The following CACNA1E variants were observed in gnomAD, a reference collection of about 807,000 sequenced individuals.
The protein encoded by CACNA1E is voltage-dependent R-type calcium channel subunit alpha-1E.
In CACNA1E, 40 loss-of-function variants were observed where a neutral mutation model predicts 259.2. That is an observed-to-expected ratio of 0.15 (90% confidence interval 0.12 to 0.20). CACNA1E has a LOEUF of 0.20. Ranked by LOEUF, CACNA1E falls within the 10% of genes least tolerant of loss-of-function variation. The pLI is 1.00. For missense variants in CACNA1E, 1,874 were observed against 3,040.1 expected (o/e 0.62, Z 9.02); for synonymous variants, 1,104 against 1,138.5 (o/e 0.97, Z 0.61).
chr1:181,596,195 C>A (rs1653138501), intron 6 of CACNA1E, among the ~76,000 whole-genome samples: 1 of 152,164 alleles, frequency 6.6e-6, no homozygotes, highest in Non-Finnish European at 1.5e-5. Context: ...TGTGCTGTGG[C>A]TCACAGACAG....
In CACNA1E at chr1:181,732,936, A is replaced by T. The variant is rs1366118717; in HGVS notation, c.2850A>T (p.Glu950Asp). 1 of 1,614,024 alleles carries T rather than the reference A, an allele frequency of 6.2e-7. No individual in the cohort carries two copies. The highest frequency in any genetic ancestry group is 8.5e-7 in the Non-Finnish European group (1 of 1,179,884). Residue 950 changes from glutamate (E) to aspartate (D), a missense_variant, in exon 20 of 48, where the codon GAA (glutamate) becomes GAT (aspartate). Around this residue, in one of 14 missense-constraint regions of CACNA1E, gnomAD observed 476 missense variants for 514.0 expected, o/e 0.93. Transcript: ENST00000367573. This position sits in a 1 kb window ranked among gnomAD's most constrained non-coding sequence, Gnocchi z 5.5. ...RSASQERSLD[E>D]AMPTEGEKDH... ...CCAGCCAGGAACGCAGTCTGGATGA[A>T]GCCATGCCCACTGAAGGGGAGAAGG...
At chr1:181,741,603 G>A (rs1558332888) in intron 25 of CACNA1E, among the ~76,000 whole-genome samples, 1 of 152,226 alleles carries the variant, frequency 6.6e-6, no homozygotes, top group South Asian at 2.1e-4. Context: ...AGGCTGGTGT[G>A]TTGGTGCCAG....
intron 6 of CACNA1E, among the ~76,000 whole-genome samples, chr1:181,585,999 A>G (rs1225180886): frequency 2.0e-5 from 3 of 152,230 alleles, no homozygotes; most frequent in Non-Finnish European, 4.4e-5. Context: ...CCTTTGGTAG[A>G]GCAAAAGTAG....
rs186936140 is a variant in CACNA1E at position 181,505,654 on chromosome 1, G to A, written c.267-4823G>A. ...TTCTGAAAGTGCTGGGATTACAGGC[G>A]TGAGCCACCGCACCTGGCCTTCTCT... On this transcript the variant is annotated intron_variant, in intron 1 of 47. Transcript: ENST00000367573. 1.4e-3 allele frequency among the ~76,000 whole-genome samples: 211 copies of A among 152,062 alleles called. 1 individual carries two copies. Among genetic ancestry groups the A allele is most frequent in the African/African-American group, 4.8e-3 (200 of 41,492 alleles).
intron 7 of CACNA1E, among the ~76,000 whole-genome samples, chr1:181,661,524 G>A (rs1403020510): frequency 6.6e-6 from 1 of 152,184 alleles, no homozygotes. Context: ...AGGTGGCTGG[G>A]GGAGAACACA....
chr1:181,409,277 C>T (rs1269771558), intron 1 of CACNA1E, among the ~76,000 whole-genome samples: 4 of 152,172 alleles, frequency 2.6e-5, no homozygotes, highest in African/African-American at 9.7e-5. Flanking sequence ...TATTTTCTGG[C>T]CCTTTGCAGT....
intron 2 of CACNA1E, among the ~76,000 whole-genome samples, chr1:181,437,804 T>C (rs1660192448): frequency 6.6e-6 from 1 of 152,226 alleles, no homozygotes; most frequent in South Asian, 2.1e-4. Flanking sequence ...CTGTCTATGC[T>C]CACTCCCAGG....
intron 43 of CACNA1E, among the ~76,000 whole-genome samples, chr1:181,787,165 G>T (rs1660917920): frequency 6.6e-6 from 1 of 152,072 alleles, no homozygotes; most frequent in South Asian, 2.1e-4. Flanking sequence ...TGTTGCCCAG[G>T]CTGGAGTGCA....
At chr1:181,568,121 C>T (rs1277503626) in intron 3 of CACNA1E, among the ~76,000 whole-genome samples, 1 of 152,058 alleles carries the variant, frequency 6.6e-6, no homozygotes, top group South Asian at 2.1e-4. Context: ...AACTCAGGGG[C>T]CTGAGTTTCA....
chr1:181,753,357 T>C (rs1220779079), intron 27 of CACNA1E, among the ~76,000 whole-genome samples: 1 of 152,200 alleles, frequency 6.6e-6, no homozygotes, highest in Non-Finnish European at 1.5e-5. Context: ...TAAACGGGCT[T>C]CCCAGGTGAC....
chr1:181,429,902 T>G (rs1377210854), intron 2 of CACNA1E, among the ~76,000 whole-genome samples: 1 of 152,230 alleles, frequency 6.6e-6, no homozygotes, highest in Non-Finnish European at 1.5e-5. Flanking sequence ...TTGATTAGTT[T>G]AAGAACCATT....
intron 1 of CACNA1E, among the ~76,000 whole-genome samples, chr1:181,374,472 A>AT (rs928257545): frequency 1.7e-4 from 26 of 151,028 alleles, no homozygotes; most frequent in African/African-American, 4.4e-4. Context: ...GAAAAAAAAA[A>AT]TTTTTTTTGA....
chr1:181,426,747 T>C (rs1659276326), intron 2 of CACNA1E, among the ~76,000 whole-genome samples: 1 of 135,088 alleles, frequency 7.4e-6, no homozygotes, highest in African/African-American at 2.8e-5. Context: ...CTCAGCCCCT[T>C]CCCGTCTCAA....
intron 10 of CACNA1E, among the ~76,000 whole-genome samples, chr1:181,716,381 C>G (rs1653902514): frequency 6.6e-6 from 1 of 151,344 alleles, no homozygotes; most frequent in Non-Finnish European, 1.5e-5. Flanking sequence ...CCAAGTTTTT[C>G]AGGTGTGGCA....
intron 7 of CACNA1E, among the ~76,000 whole-genome samples, chr1:181,709,617 C>T (rs1653136396): frequency 6.6e-6 from 1 of 152,056 alleles, no homozygotes; most frequent in South Asian, 2.1e-4. Flanking sequence ...TGCTGGACTC[C>T]CTCAGATTCA....
intron 3 of CACNA1E, among the ~76,000 whole-genome samples, chr1:181,544,283 G>A (rs1206421775): frequency 2.6e-5 from 4 of 152,110 alleles, no homozygotes; most frequent in East Asian, 1.9e-4. Context: ...TAGTTGTTAC[G>A]AAAGGCTGGT....
At chr1:181,481,335 T>TACACAC (rs113766656), upstream of CACNA1E, among the ~76,000 whole-genome samples, 7,117 of 145,416 alleles carry the variant, frequency 0.049, 218 homozygotes, top group East Asian at 0.085. Context: ...AGAATTTTCC[T>TACACAC]ACACACACAC....
rs1668194147 is a variant in CACNA1E at position 181,536,695 on chromosome 1, T to G, written c.512+25185T>G. Among the ~76,000 whole-genome samples, 4 of 152,232 alleles carry G rather than the reference T, an allele frequency of 2.6e-5. No homozygotes were observed. The South Asian group carries it at 8.3e-4, about 31-fold the overall frequency. ...AGGAGAATACCTATGAAGCTAATAGTCTGGCAAGGGTATAGAAGTGGTGAG... is the reference window on the plus strand; with the variant it reads ...AGGAGAATACCTATGAAGCTAATAGGCTGGCAAGGGTATAGAAGTGGTGAG... On this transcript the variant is annotated intron_variant, in intron 3 of 47. Transcript: ENST00000367573.
At chr1:181,482,617 C>A (rs1201115315), upstream of CACNA1E, among the ~76,000 whole-genome samples, 1 of 150,782 alleles carries the variant, frequency 6.6e-6, no homozygotes, top group Non-Finnish European at 1.5e-5. Flanking sequence ...CGCCTCGCTG[C>A]GCCTCTGCGC....
Sources: gnomAD v4.1 joint callset for allele counts (sites outside exome capture counted in the v4.1 genomes callset) on GRCh38, gnomAD v4.1.1 for gene constraint, gnomAD v4.1.1 regional missense constraint, Gnocchi (gnomAD v3.1) non-coding constraint, MANE v1.5 for transcripts, NCBI Gene and HGNC (gene_info 2026-07-23, HGNC 2026-07-21) for gene names.